Variants in XKR3 observed in about 807,000 individuals in gnomAD.
XKR3 encodes the protein XK related 3.
In XKR3, 27 loss-of-function variants were observed where a neutral mutation model predicts 40.3. That is an observed-to-expected ratio of 0.67 (90% CI 0.49 to 0.92). XKR3 has a LOEUF of 0.92. Among genes scored for constraint, XKR3 ranks in the 40% least tolerant of loss-of-function variants. The pLI is 0.00. For missense variants in XKR3, 472 were observed against 537.6 expected (o/e 0.88, Z 1.21); for synonymous variants, 193 against 195.4 (o/e 0.99, Z 0.10).
chr22:16,823,745 A>G (rs2060264892), intron 1 of XKR3, among the ~76,000 whole-genome samples: 1 of 152,214 alleles, frequency 6.6e-6, no homozygotes, highest in Non-Finnish European at 1.5e-5. Context: ...GGAGAGATCA[A>G]TAATAATAAA....
At chr22:16,803,032 A>G (rs377123050) in intron 2 of XKR3, among the ~76,000 whole-genome samples, 13 of 152,168 alleles carry the variant, frequency 8.5e-5, no homozygotes, top group African/African-American at 3.1e-4. Flanking sequence ...TTAATCAGGG[A>G]CTTCCATGTC....
At chr22:16,811,270 C>T (rs774275134) in intron 1 of XKR3, among the ~76,000 whole-genome samples, 2 of 151,976 alleles carry the variant, frequency 1.3e-5, no homozygotes, top group Non-Finnish European at 2.9e-5. Context: ...CACAGGTGCC[C>T]ACCACCCGAC....
chr22:16,803,873 C>G (rs767047198), intron 2 of XKR3, among the ~76,000 whole-genome samples: 1 of 152,184 alleles, frequency 6.6e-6, no homozygotes, highest in Non-Finnish European at 1.5e-5. Flanking sequence ...TATGGAGTAG[C>G]CATTCTTTTA....
At chr22:16,785,123 C>T (rs1321875541) in intron 3 of XKR3, among the ~76,000 whole-genome samples, 4 of 152,132 alleles carry the variant, frequency 2.6e-5, no homozygotes, top group Admixed American at 6.5e-5. Flanking sequence ...TGAGACCATC[C>T]TGGCTAACAC....
At chr22:16,802,841 G>A (rs2060174905) in intron 2 of XKR3, among the ~76,000 whole-genome samples, 2 of 152,104 alleles carry the variant, frequency 1.3e-5, no homozygotes, top group Non-Finnish European at 1.5e-5. Flanking sequence ...TGATGCTTGT[G>A]AAAAACAAAA....
chr22:16,806,277 A>G (rs1280495340), intron 2 of XKR3, among the ~76,000 whole-genome samples: 1 of 138,376 alleles, frequency 7.2e-6, no homozygotes, highest in Non-Finnish European at 1.5e-5. Flanking sequence ...AAAAAGAAAA[A>G]AGTCAATTAA....
chr22:16,806,651 C>T (rs1464700520), intron 2 of XKR3, among the ~76,000 whole-genome samples: 1 of 151,872 alleles, frequency 6.6e-6, no homozygotes, highest in Non-Finnish European at 1.5e-5. Flanking sequence ...GTTGATCAGG[C>T]TGGACTCTAC....
chr22:16,819,931 G>A (rs1163625487), intron 1 of XKR3, among the ~76,000 whole-genome samples: 1 of 152,084 alleles, frequency 6.6e-6, no homozygotes, highest in African/African-American at 2.4e-5. Flanking sequence ...TCATTAAGAA[G>A]GATATAAGCA....
At chr22:16,792,623 A>G (rs1386864608) in intron 3 of XKR3, among the ~76,000 whole-genome samples, 2 of 152,254 alleles carry the variant, frequency 1.3e-5, no homozygotes, top group Non-Finnish European at 2.9e-5. Flanking sequence ...CACTTGTCAA[A>G]TATCTATTGA....
intron 1 of XKR3, among the ~76,000 whole-genome samples, chr22:16,813,774 T>C (rs1405269517): frequency 6.6e-6 from 1 of 152,218 alleles, no homozygotes; most frequent in Non-Finnish European, 1.5e-5. Flanking sequence ...GCAACCTCAC[T>C]TTATGTTCCC....
chr22:16,783,751 C>A lies in XKR3; in HGVS notation c.1248G>T (p.Gln416His). ...GKVLPGRTEN[Q>H]PEAPYYYVNI... Reference sequence around the variant, plus strand: ...TTACATAATAGTACGGTGCTTCTGGCTGATTTTCAGTACGTCCTGGCAACA... The same window carrying A: ...TTACATAATAGTACGGTGCTTCTGGATGATTTTCAGTACGTCCTGGCAACA... Residue 416 changes from glutamine to histidine, a missense_variant, in exon 4 of 4, where the codon CAG becomes CAT. Transcript: ENST00000684488. 6.2e-7 allele frequency: 1 copy of A among 1,614,086 alleles called. No homozygotes were observed. The highest frequency in any genetic ancestry group is 1.1e-5 in the South Asian group (1 of 91,074).
intron 2 of XKR3, among the ~76,000 whole-genome samples, chr22:16,804,341 C>G (rs2060181160): frequency 6.6e-6 from 1 of 152,142 alleles, no homozygotes; most frequent in Non-Finnish European, 1.5e-5. Context: ...GACTTACTTT[C>G]CAGTCTGACT....
Position 16,784,213 on chromosome 22 carries a change from C to A in XKR3, c.786G>T (p.Leu262=). 1 of 1,614,194 alleles carries A rather than the reference C, an allele frequency of 6.2e-7. No individual in the cohort carries two copies. Among genetic ancestry groups the A allele is most frequent in the Non-Finnish European group, 8.5e-7 (1 of 1,180,030 alleles). The change falls in exon 4 of 4, where the codon CTG becomes CTT. Residue 262 remains leucine, a synonymous_variant. Transcript: ENST00000684488. ...TLAFFIASLK[L]KSLPVLLIIY... ...TGATTAACAAAACGGGTAGGCTCTT[C>A]AGTTTCAGAGATGCAATGAAAAATG...
At chr22:16,797,781 A>T (rs1196121638) in intron 3 of XKR3, among the ~76,000 whole-genome samples, 2 of 143,748 alleles carry the variant, frequency 1.4e-5, no homozygotes, top group Non-Finnish European at 3.0e-5. Flanking sequence ...CGACAGAGTG[A>T]GACTCTGTCT....
intron 3 of XKR3, among the ~76,000 whole-genome samples, chr22:16,795,083 C>T (rs538621443): frequency 6.6e-6 from 1 of 152,136 alleles, no homozygotes; most frequent in African/African-American, 2.4e-5. Flanking sequence ...GAACATGCCA[C>T]CCAACAAATG....
At chr22:16,820,922 C>A (rs138080989) in intron 1 of XKR3, among the ~76,000 whole-genome samples, 8 of 152,158 alleles carry the variant, frequency 5.3e-5, no homozygotes, top group African/African-American at 1.9e-4. Context: ...TCATGAATAC[C>A]CCTCTTTTGT....
Position 16,808,028 on chromosome 22 carries a change from C to A in XKR3, c.46G>T (p.Val16Phe), listed in dbSNP as rs2060197809. The change falls in exon 2 of 4, where the codon GTT becomes TTT. Residue 16 changes from valine (V) to phenylalanine (F), a missense_variant. Transcript: ENST00000684488. Reference sequence around the variant, plus strand: ...ACTATTTCTTCTTTCGAAGATGAAACTCCTCCTGTGCTTTCTTCATCCATC... The same window carrying A: ...ACTATTTCTTCTTTCGAAGATGAAAATCCTCCTGTGCTTTCTTCATCCATC... The part of the protein sequence containing the change: ...EEMDEESTGG[V>F]SSSKEEIVLG... 1 of 1,612,866 alleles carries A rather than the reference C, an allele frequency of 6.2e-7. No homozygotes were observed. The highest frequency in any genetic ancestry group is 1.1e-5 in the South Asian group (1 of 90,954).
intron 1 of XKR3, among the ~76,000 whole-genome samples, chr22:16,816,591 A>G (rs2060234824): frequency 6.6e-6 from 1 of 151,880 alleles, no homozygotes; most frequent in Non-Finnish European, 1.5e-5. Flanking sequence ...AATAAAAATA[A>G]TAGGTTTTAT....
intron 1 of XKR3, among the ~76,000 whole-genome samples, chr22:16,814,025 A>C (rs956824363): frequency 6.6e-6 from 1 of 152,208 alleles, no homozygotes; most frequent in Admixed American, 6.5e-5. Flanking sequence ...TCTTTGAAGC[A>C]CAGAAGTTTA....
Sources: allele counts gnomAD v4.1 joint callset (sites outside exome capture counted in the v4.1 genomes callset), GRCh38; gene constraint gnomAD v4.1.1; transcripts MANE v1.5; gene names NCBI Gene and HGNC (gene_info 2026-07-23, HGNC 2026-07-21).